The following SPATA6 variants were observed in gnomAD, a reference collection of about 807,000 sequenced individuals.
SPATA6 encodes the protein spermatogenesis-associated protein 6.
SPATA6 carries 56 observed loss-of-function variants against 65.3 expected under a neutral mutation model. The ratio of observed to expected loss-of-function variants is 0.86; its 90% CI spans 0.69 to 1.07. The LOEUF (loss-of-function observed/expected upper bound fraction) is 1.07. Among genes scored for constraint, SPATA6 ranks in the 50% least tolerant of loss-of-function variants. The pLI, the probability that SPATA6 is intolerant of heterozygous loss-of-function variation, is 0.00. For synonymous variants in SPATA6, 199 were observed against 213.2 expected (o/e 0.93, Z 0.58); for missense variants, 590 against 594.8 (o/e 0.99, Z 0.08).
At chr1:48,265,373 G>A in the SPATA6 span, among the ~76,000 whole-genome samples, 1 of 150,360 alleles carries the variant, frequency 6.7e-6, no homozygotes, top group Non-Finnish European at 1.5e-5. Context: ...GAACGATTTT[G>A]ATAACTGCTT....
intron 11 of SPATA6, among the ~76,000 whole-genome samples, chr1:48,307,365 TA>T (rs1199775141): frequency 6.8e-6 from 1 of 147,926 alleles, no homozygotes; most frequent in Non-Finnish European, 1.5e-5. Flanking sequence ...TATAATTATA[TA>T]TTTATGTTTA....
chr1:48,276,647 T>C, the SPATA6 span, among the ~76,000 whole-genome samples: 1 of 152,210 alleles, frequency 6.6e-6, no homozygotes, highest in African/African-American at 2.4e-5. Context: ...GCATTTTGAG[T>C]GAGTTTCTTA....
chr1:48,353,663 T>C lies in SPATA6; in HGVS notation c.1194+2007A>G, dbSNP rs562240880. Among the ~76,000 whole-genome samples the C allele has an allele frequency of 3.3e-5, 5 of 152,000 alleles. No homozygotes were observed. In the South Asian group the frequency reaches 6.2e-4, roughly 19 times the overall value. On this transcript the variant is annotated intron_variant, in intron 11 of 12. Transcript: ENST00000371847. ...CATCCAATGACATCGCTTCAAAATA[T>C]ATAAAACAAAATTAAGAGAACCAGA...
intron 9 of SPATA6, among the ~76,000 whole-genome samples, chr1:48,362,268 A>G (rs1646837638): frequency 6.6e-6 from 1 of 152,152 alleles, no homozygotes; most frequent in South Asian, 2.1e-4. Context: ...AAAAAGAAAA[A>G]AAAGAAAAGA....
chr1:48,320,505 A>G (rs941736389), intron 11 of SPATA6, among the ~76,000 whole-genome samples: 6 of 152,246 alleles, frequency 3.9e-5, no homozygotes, highest in African/African-American at 1.4e-4. Flanking sequence ...GTAGAATAGT[A>G]TATCTGGCAA....
rs1035116695 is a variant in SPATA6 at position 48,312,365 on chromosome 1, C to A, written c.1195-6487G>T. On this transcript the variant is annotated intron_variant, in intron 11 of 12. Coordinates refer to ENST00000371847, the MANE Select transcript of SPATA6 (RefSeq NM_019073.4). ...GAGACAAAACTTCCAGAGGAAAGAT[C>A]AGGCAGCAACATTTGCTGTTCACCA... 3.3e-5 allele frequency among the ~76,000 whole-genome samples: 5 copies of A among 152,290 alleles called. No homozygotes were observed. The South Asian group carries it at 1.0e-3, about 32-fold the overall frequency.
At chr1:48,325,236 C>G (rs3767612) in intron 11 of SPATA6, 1 of 765,900 alleles carries the variant, frequency 1.3e-6, no homozygotes, top group Non-Finnish European at 2.2e-6. Flanking sequence ...AAGTCCACAA[C>G]AGGGGCAAGG....
intron 11 of SPATA6, among the ~76,000 whole-genome samples, chr1:48,336,459 A>C (rs968192958): frequency 1.3e-5 from 2 of 152,054 alleles, no homozygotes; most frequent in Admixed American, 1.3e-4. Context: ...CTAAAAAAGA[A>C]AGAGATCACA....
chr1:48,355,720 G>C lies in SPATA6; in HGVS notation c.1144C>G (p.Arg382Gly). 1 of 1,612,754 alleles carries C rather than the reference G, an allele frequency of 6.2e-7. No individual in the cohort carries two copies. The highest frequency in any genetic ancestry group is 8.5e-7 in the Non-Finnish European group (1 of 1,179,210). ...TGTGATTTCAAGACATTTTTTACCC[G>C]GTCATGGATCTCATCGCAGTTTGAA... ...SPSNCDEIHD[R>G]VKNVLKSHQA... The change falls in exon 11 of 13, where the codon CGG becomes GGG. Residue 382 changes from arginine (R) to glycine (G), a missense_variant. Coordinates refer to ENST00000371847, the MANE Select transcript of SPATA6 (RefSeq NM_019073.4).
chr1:48,342,370 C>T (rs12097126), intron 11 of SPATA6, among the ~76,000 whole-genome samples: 21,741 of 152,050 alleles, frequency 0.14, 1,766 homozygotes, highest in African/African-American at 0.21. Flanking sequence ...ATAAATATCA[C>T]TTTGGGAGGC....
intron 3 of SPATA6, among the ~76,000 whole-genome samples, chr1:48,449,400 G>T (rs1478839408): frequency 2.0e-5 from 3 of 152,146 alleles, no homozygotes; most frequent in African/African-American, 7.2e-5. Context: ...TAAGTACACA[G>T]CACCAACTAT....
At chr1:48,339,948 A>G (rs549561078) in intron 11 of SPATA6, among the ~76,000 whole-genome samples, 3 of 152,064 alleles carry the variant, frequency 2.0e-5, no homozygotes, top group Non-Finnish European at 4.4e-5. Flanking sequence ...GATTGAGTGA[A>G]GAAAGTCTGA....
intron 2 of SPATA6, 45 bp from the exon 3 acceptor site, chr1:48,451,645 T>C (rs774520541): frequency 6.5e-7 from 1 of 1,547,788 alleles, no homozygotes; most frequent in East Asian, 2.3e-5. Context: ...AAGATATATA[T>C]TTTTTTTCTC....
chr1:48,453,184 A>G, intron 1 of SPATA6, 53 bp from the exon 2 acceptor site: 1 of 1,540,290 alleles, frequency 6.5e-7, no homozygotes, highest in African/African-American at 1.4e-5. Context: ...TCCCTGAACT[A>G]TCCTACTAAA....
At chr1:48,405,248 C>G (rs977405915) in intron 5 of SPATA6, among the ~76,000 whole-genome samples, 5 of 152,178 alleles carry the variant, frequency 3.3e-5, no homozygotes, top group African/African-American at 1.2e-4. Context: ...TGTTCTTCTG[C>G]AAACGTATCT....
At chr1:48,415,492 A>G (rs1466964151) in intron 3 of SPATA6, among the ~76,000 whole-genome samples, 2 of 152,200 alleles carry the variant, frequency 1.3e-5, no homozygotes, top group Non-Finnish European at 2.9e-5. Context: ...AATAAAAAAG[A>G]AATAGTATAG....
chr1:48,378,306 T>C (rs1648156881), intron 9 of SPATA6, among the ~76,000 whole-genome samples: 1 of 152,178 alleles, frequency 6.6e-6, no homozygotes, highest in African/African-American at 2.4e-5. Context: ...TGTAATGCAG[T>C]GGCAAAATAT....
At chr1:48,308,914 C>T (rs1645129506) in intron 11 of SPATA6, among the ~76,000 whole-genome samples, 1 of 152,030 alleles carries the variant, frequency 6.6e-6, no homozygotes. Flanking sequence ...GATATAGGGT[C>T]TAACTCTGTC....
chr1:48,310,434 AG>A (rs1645174973), intron 11 of SPATA6, among the ~76,000 whole-genome samples: 2 of 152,204 alleles, frequency 1.3e-5, no homozygotes, highest in Non-Finnish European at 2.9e-5. Flanking sequence ...GACTCGGTCA[AG>A]TTAAAATGCC....
Sources: gnomAD v4.1 joint callset for allele counts (sites outside exome capture counted in the v4.1 genomes callset) on GRCh38, gnomAD v4.1.1 for gene constraint, MANE v1.5 for transcripts, NCBI Gene and HGNC (gene_info 2026-07-23, HGNC 2026-07-21) for gene names.